The following GLIS1 variants were observed in gnomAD, a reference collection of about 807,000 sequenced individuals.
GLIS1 encodes zinc finger protein GLIS1.
In GLIS1, 24 loss-of-function variants were observed where a neutral mutation model predicts 63.8. The observed-to-expected ratio is 0.38, with a 90% CI of 0.27 to 0.53. GLIS1 has a LOEUF of 0.53. Ranked by LOEUF, GLIS1 falls within the 20% of genes least tolerant of loss-of-function variation. The probability of loss-of-function intolerance (pLI) is 0.85; values close to 1 mark genes in which losing one functional copy is unlikely to be tolerated. For missense variants in GLIS1, 1,036 were observed against 1,074.1 expected, an observed-to-expected ratio of 0.96 and a Z score of 0.50; for synonymous variants, 450 against 482.5, an observed-to-expected ratio of 0.93 and a Z score of 0.88.
chr1:53,737,330 A>C (rs1646921715), intron 2 of GLIS1, among the ~76,000 whole-genome samples: 1 of 152,204 alleles, frequency 6.6e-6, no homozygotes, highest in South Asian at 2.1e-4. Flanking sequence ...GGAATCCAGA[A>C]ATCATCTGGT....
intron 4 of GLIS1, among the ~76,000 whole-genome samples, chr1:53,572,497 T>A (rs960926609): frequency 6.6e-6 from 1 of 152,180 alleles, no homozygotes; most frequent in African/African-American, 2.4e-5. Flanking sequence ...TTTGCCCACC[T>A]CCCTTTGGGC....
chr1:53,691,563 C>A (rs942484402), intron 2 of GLIS1, among the ~76,000 whole-genome samples: 1 of 152,142 alleles, frequency 6.6e-6, no homozygotes, highest in South Asian at 2.1e-4. Flanking sequence ...TCCATGAGCT[C>A]CTCCACCACT....
chr1:53,591,864 C>T (rs1645196015), intron 4 of GLIS1, among the ~76,000 whole-genome samples: 1 of 152,196 alleles, frequency 6.6e-6, no homozygotes, highest in Non-Finnish European at 1.5e-5. Flanking sequence ...TTGTAAAAAC[C>T]CTTGGTTTTA....
intron 2 of GLIS1, among the ~76,000 whole-genome samples, chr1:53,622,990 T>C (rs1476444655): frequency 6.6e-6 from 1 of 152,238 alleles, no homozygotes. Flanking sequence ...AAGAAATGTA[T>C]TAACCTCAGT....
intron 4 of GLIS1, among the ~76,000 whole-genome samples, chr1:53,577,516 C>T (rs557164036): frequency 6.6e-6 from 1 of 152,176 alleles, no homozygotes; most frequent in Non-Finnish European, 1.5e-5. Flanking sequence ...TCCTTGAGTG[C>T]GGGAAGTGAA....
chr1:53,651,119 G>T (rs371989897), intron 2 of GLIS1, among the ~76,000 whole-genome samples: 1 of 152,156 alleles, frequency 6.6e-6, no homozygotes, highest in Non-Finnish European at 1.5e-5. Context: ...TAAGTGCATC[G>T]TATGCTTATA....
At chr1:53,635,061 GT>G (rs149641062) in intron 2 of GLIS1, among the ~76,000 whole-genome samples, 10 of 151,070 alleles carry the variant, frequency 6.6e-5, no homozygotes, top group South Asian at 2.1e-4. Context: ...CTCTGTTGTT[GT>G]TTTTTTTTTA....
rs954672347 is a variant in GLIS1, at chr1:53,526,756, C to T, written c.1483-1869G>A. Among the ~76,000 whole-genome samples, 1 of 152,268 alleles carries T rather than the reference C, an allele frequency of 6.6e-6. No individual in the cohort carries two copies. ...CTGGCTCTGTGTCTGCCGGCACATTCGCCTGGAAACGGGCGGCAAGGCCCA... is the reference window on the plus strand; with the variant it reads ...CTGGCTCTGTGTCTGCCGGCACATTTGCCTGGAAACGGGCGGCAAGGCCCA... On this transcript the variant is annotated intron_variant, in intron 5 of 10. Coordinates refer to ENST00000628545, the MANE Select transcript of GLIS1 (RefSeq NM_001367484.1). This position sits in a 1 kb window ranked among gnomAD's most constrained non-coding sequence, Gnocchi z 4.4.
rs1646023141 is a variant in GLIS1, at chr1:53,661,071, C to T, written c.260-60793G>A. 2.0e-5 allele frequency among the ~76,000 whole-genome samples: 3 copies of T among 152,232 alleles called. No homozygotes were observed. In the South Asian group the frequency reaches 6.2e-4, roughly 31 times the overall value. ...ACTGAGCAAGATAGACACATATACA[C>T]ATCCATGTATGTATGTCTCAGCACT... On this transcript the variant is annotated intron_variant, in intron 2 of 10. Coordinates refer to ENST00000628545, the MANE Select transcript of GLIS1 (RefSeq NM_001367484.1).
intron 2 of GLIS1, among the ~76,000 whole-genome samples, chr1:53,716,247 C>T (rs541764637): frequency 6.6e-6 from 1 of 152,218 alleles, no homozygotes; most frequent in South Asian, 2.1e-4. Flanking sequence ...GTGGTTCGAT[C>T]TTAACTAGGG....
rs938989699 is a variant in GLIS1, at chr1:53,589,668, G to A, written c.1320+4440C>T. On this transcript the variant is annotated intron_variant, in intron 4 of 10. Transcript: ENST00000628545. ...AGTGGAGAGGGGCGTAAGGAATGGA[G>A]ACCAGTGGCCAGTGCAGCTGCAGTG... Among the ~76,000 whole-genome samples the A allele has an allele frequency of 5.9e-5, 9 of 152,340 alleles. No homozygotes were observed. In the East Asian group the frequency reaches 1.7e-3, roughly 29 times the overall value.
intron 2 of GLIS1, among the ~76,000 whole-genome samples, chr1:53,708,192 A>G (rs1007264206): frequency 5.3e-5 from 8 of 152,060 alleles, no homozygotes; most frequent in Non-Finnish European, 1.0e-4. Context: ...CTGAGGCAGG[A>G]GAATGGCGTG....
intron 9 of GLIS1, 60 bp from the exon 10 acceptor site, chr1:53,509,347 G>A (rs1644273035): frequency 2.1e-6 from 3 of 1,447,964 alleles, no homozygotes; most frequent in South Asian, 2.7e-5. Flanking sequence ...GGCAGGGAGG[G>A]GAACATCCTT....
intron 2 of GLIS1, among the ~76,000 whole-genome samples, chr1:53,631,709 A>G (rs1374575587): frequency 6.6e-6 from 1 of 152,144 alleles, no homozygotes; most frequent in Non-Finnish European, 1.5e-5. Context: ...GCACTTTTAT[A>G]TGGGGTGTTC....
chr1:53,529,370 G>A (rs1252493883), intron 5 of GLIS1, among the ~76,000 whole-genome samples: 2 of 152,174 alleles, frequency 1.3e-5, no homozygotes, highest in South Asian at 2.1e-4. Context: ...GGAAGAGCAG[G>A]GAGCAATCTG....
intron 2 of GLIS1, among the ~76,000 whole-genome samples, chr1:53,600,558 A>G (rs1273433512): frequency 6.6e-6 from 1 of 152,136 alleles, no homozygotes; most frequent in East Asian, 1.9e-4. Context: ...ATGTACAAAC[A>G]CTGTTCTAGG....
chr1:53,684,968 G>A (rs1028335268), intron 2 of GLIS1, among the ~76,000 whole-genome samples: 3 of 152,206 alleles, frequency 2.0e-5, no homozygotes, highest in Non-Finnish European at 4.4e-5. Context: ...CACGGGAGGG[G>A]AGATAAGCCA....
intron 4 of GLIS1, among the ~76,000 whole-genome samples, chr1:53,553,628 T>C (rs1021966260): frequency 3.9e-5 from 6 of 152,258 alleles, no homozygotes; most frequent in South Asian, 4.1e-4. Flanking sequence ...GACCTTGTGG[T>C]ATGGCAGGGA....
chr1:53,525,361 A>G (rs1017554941), intron 5 of GLIS1, among the ~76,000 whole-genome samples: 4 of 130,140 alleles, frequency 3.1e-5, no homozygotes, highest in South Asian at 3.0e-4. Context: ...AGGTAGGTGC[A>G]GAGGCACCGG....
Sources: allele counts gnomAD v4.1 joint callset (sites outside exome capture counted in the v4.1 genomes callset), GRCh38; gene constraint gnomAD v4.1.1; non-coding constraint Gnocchi (gnomAD v3.1); transcripts MANE v1.5; gene names NCBI Gene and HGNC (gene_info 2026-07-23, HGNC 2026-07-21).